MCOLN3: variants seen among roughly 807,000 people sequenced by gnomAD.
The protein encoded by MCOLN3 is mucolipin TRP cation channel 3.
MCOLN3 carries 62 observed loss-of-function variants against 69.4 expected under a neutral mutation model. The ratio of observed to expected loss-of-function variants is 0.89; its 90% CI spans 0.73 to 1.10. The LOEUF is 1.10. MCOLN3 is among the 50% of genes least tolerant of loss of function. The pLI is 0.00. For missense variants in MCOLN3, 564 were observed against 656.4 expected (o/e 0.86, Z 1.54); for synonymous variants, 183 against 217.0 (o/e 0.84, Z 1.38).
intron 3 of MCOLN3, among the ~76,000 whole-genome samples, chr1:85,036,137 C>A (rs1259483862): frequency 1.3e-5 from 2 of 152,168 alleles, no homozygotes; most frequent in East Asian, 3.8e-4. Flanking sequence ...TTTATTTGTT[C>A]ACTGCAGTAC....
rs766440256 is a variant in MCOLN3, at chr1:85,019,085, C to T, written c.*38G>A. ...TCCACAGTGTTCCAACTCAGCTACA[C>T]ATTATATTTTCCTCTAAAGTACAGA... On this transcript the variant is annotated 3_prime_UTR_variant, in exon 13 of 13. Coordinates refer to ENST00000370589, the MANE Select transcript of MCOLN3 (RefSeq NM_018298.11). 1.4e-5 allele frequency: 22 copies of T among 1,594,140 alleles called. No individual in the cohort carries two copies. The highest frequency in any genetic ancestry group is 1.8e-5 in the Non-Finnish European group (21 of 1,165,270).
At chr1:85,036,131 T>C (rs1652789502) in intron 3 of MCOLN3, among the ~76,000 whole-genome samples, 1 of 152,238 alleles carries the variant, frequency 6.6e-6, no homozygotes, top group Admixed American at 6.5e-5. Context: ...CTTGACTTTA[T>C]TTGTTCACTG....
rs766313288 is a variant in MCOLN3 at position 85,022,261 on chromosome 1, GA to G, written c.1197+37del. 1.9e-6 allele frequency: 3 copies of G among 1,613,586 alleles called. No homozygotes were observed. In the African/African-American group the frequency reaches 4.0e-5, roughly 22 times the overall value. ...CCAAAGCAGTGCAATAACTTTGAGA[GA>G]AATACCAACAGCATGGAGATCCGTG... On this transcript the variant is annotated intron_variant, in intron 10 of 12. Coordinates refer to ENST00000370589, the MANE Select transcript of MCOLN3 (RefSeq NM_018298.11).
At chr1:85,043,351 G>A (rs2102944350) in intron 2 of MCOLN3, among the ~76,000 whole-genome samples, 1 of 152,192 alleles carries the variant, frequency 6.6e-6, no homozygotes, top group Middle Eastern at 3.4e-3. Context: ...CCAACATGGT[G>A]AAACCCCATC....
chr1:85,022,494 G>A (rs1275277833), intron 9 of MCOLN3, 94 bp from the exon 10 acceptor site: 2 of 800,632 alleles, frequency 2.5e-6, no homozygotes, highest in Non-Finnish European at 4.1e-6. Flanking sequence ...ACTGTTTTAG[G>A]TGCTAAGGAT....
chr1:85,034,280 G>A (rs947570950), intron 3 of MCOLN3, 29 bp from the exon 4 acceptor site: 8 of 1,613,054 alleles, frequency 5.0e-6, no homozygotes, highest in Non-Finnish European at 2.5e-6. Flanking sequence ...ACAGAAAATG[G>A]GAATGCCAGC....
At position 85,047,095 on chromosome 1, in the gene MCOLN3, T is replaced by C. The variant is rs577438541; in HGVS notation, c.-3+1301A>G. Among the ~76,000 whole-genome samples the C allele has an allele frequency of 7.2e-5, 11 of 152,352 alleles. No individual in the cohort carries two copies. In the South Asian group the frequency reaches 1.9e-3, roughly 26 times the overall value. Reference sequence around the variant, plus strand: ...AGCTCGCATATGAACACCAACATAATGATGAAGCTGTTAATAAGCATGTTG... The same window carrying C: ...AGCTCGCATATGAACACCAACATAACGATGAAGCTGTTAATAAGCATGTTG... On this transcript the variant is annotated intron_variant, in intron 1 of 12. Coordinates refer to ENST00000370589, the MANE Select transcript of MCOLN3 (RefSeq NM_018298.11).
intron 9 of MCOLN3, 66 bp downstream of exon 9, chr1:85,025,873 T>C: frequency 7.0e-7 from 1 of 1,431,818 alleles, no homozygotes; most frequent in Non-Finnish European, 9.5e-7. Context: ...TCTTACATTC[T>C]GGAAAAATAC....
intron 1 of MCOLN3, among the ~76,000 whole-genome samples, chr1:85,046,420 G>T (rs1653356464): frequency 2.0e-5 from 3 of 152,044 alleles, no homozygotes; most frequent in Admixed American, 2.0e-4. Flanking sequence ...GATGGATCTT[G>T]GATTTTCCCT....
chr1:85,048,317 C>G (rs1293504597), intron 1 of MCOLN3, 79 bp downstream of exon 1: 1 of 151,934 alleles, frequency 6.6e-6, no homozygotes, highest in African/African-American at 2.4e-5. Flanking sequence ...TGCCTCCCGG[C>G]CTCCCCGGCC....
At chr1:85,048,345 G>C (rs1250759506) in intron 1 of MCOLN3, 51 bp downstream of exon 1, 4 of 151,870 alleles carry the variant, frequency 2.6e-5, no homozygotes, top group Non-Finnish European at 5.9e-5. Flanking sequence ...TGCGCCGCGG[G>C]CGCCGTTCCC....
intron 3 of MCOLN3, among the ~76,000 whole-genome samples, chr1:85,035,153 C>T (rs920636590): frequency 1.3e-5 from 2 of 152,308 alleles, no homozygotes; most frequent in East Asian, 1.9e-4. Context: ...GTTGAATGCT[C>T]CTCCTACACG....
At chr1:85,043,857 G>C (rs1360343479) in intron 2 of MCOLN3, among the ~76,000 whole-genome samples, 1 of 134,016 alleles carries the variant, frequency 7.5e-6, no homozygotes, top group African/African-American at 2.9e-5. Flanking sequence ...TTTTTTTTTT[G>C]AGACAAGGTG....
chr1:85,040,220 T>A (rs1384457126), intron 3 of MCOLN3, among the ~76,000 whole-genome samples: 1 of 152,202 alleles, frequency 6.6e-6, no homozygotes, highest in Admixed American at 6.5e-5. Context: ...ACAGAAAGAC[T>A]TCATGCCATA....
chr1:85,035,162 C>A (rs539205454), intron 3 of MCOLN3, among the ~76,000 whole-genome samples: 1 of 152,194 alleles, frequency 6.6e-6, no homozygotes, highest in Non-Finnish European at 1.5e-5. Flanking sequence ...TCCTCCTACA[C>A]GGAATACTTT....
intron 2 of MCOLN3, among the ~76,000 whole-genome samples, chr1:85,044,180 C>T (rs1653220429): frequency 6.6e-6 from 1 of 152,180 alleles, no homozygotes; most frequent in Non-Finnish European, 1.5e-5. Context: ...GTTTGTTTCC[C>T]TTGATACAAC....
intron 2 of MCOLN3, 83 bp downstream of exon 2, chr1:85,045,050 T>C (rs962321465): frequency 3.8e-6 from 4 of 1,065,662 alleles, no homozygotes; most frequent in Non-Finnish European, 5.4e-6. Flanking sequence ...TAGTTAAAAG[T>C]TATTTAAAAA....
At chr1:85,033,475 C>G (rs1652641092) in intron 4 of MCOLN3, among the ~76,000 whole-genome samples, 1 of 152,082 alleles carries the variant, frequency 6.6e-6, no homozygotes, top group Non-Finnish European at 1.5e-5. Context: ...AAAAAAAAAT[C>G]CTAGTGGCTG....
At chr1:85,048,164 C>G (rs951504148) in intron 1 of MCOLN3, among the ~76,000 whole-genome samples, 2 of 151,996 alleles carry the variant, frequency 1.3e-5, no homozygotes, top group Non-Finnish European at 2.9e-5. Context: ...CGGGCAGGCC[C>G]GGCAGGCGCG....
Sources: allele counts gnomAD v4.1 joint callset (sites outside exome capture counted in the v4.1 genomes callset), GRCh38; gene constraint gnomAD v4.1.1; transcripts MANE v1.5; gene names NCBI Gene and HGNC (gene_info 2026-07-23, HGNC 2026-07-21).